The following DTWD2 variants were observed in gnomAD, a reference collection of about 807,000 sequenced individuals.
DTWD2 encodes the protein DTW motif tRNA-uridine aminocarboxypropyltransferase 2, also known as tRNA-uridine aminocarboxypropyltransferase 2.
DTWD2 carries 39 observed loss-of-function variants against 31.8 expected under a neutral mutation model. The ratio of observed to expected loss-of-function variants is 1.22; its 90% confidence interval spans 0.95 to 1.60. The LOEUF is 1.60. Ranked by LOEUF, DTWD2 falls within the 40% of genes most tolerant of loss-of-function variation. The pLI is 0.00. For missense variants in DTWD2, 515 were observed against 381.5 expected (o/e 1.35, Z -2.92); for synonymous variants, 180 against 142.8 (o/e 1.26, Z -1.86).
chr5:118,934,239 G>A (rs1034696041), intron 3 of DTWD2, among the ~76,000 whole-genome samples: 2 of 133,662 alleles, frequency 1.5e-5, no homozygotes, highest in Admixed American at 8.0e-5. Context: ...GTTTAAGACT[G>A]GCCTGGGCAA....
rs184520458 is a variant in DTWD2, at chr5:118,887,870, A to C, written c.598-39652T>G. Reference sequence around the variant, plus strand: ...TGCCCAGGCTTGTCTCAAACTCCTAAGCTCAAGTGACCCTCCTGCCTTGGC... The same window carrying C: ...TGCCCAGGCTTGTCTCAAACTCCTACGCTCAAGTGACCCTCCTGCCTTGGC... On this transcript the variant is annotated intron_variant, in intron 4 of 5. Transcript: ENST00000510708. Among the ~76,000 whole-genome samples the C allele has an allele frequency of 2.7e-3, 417 of 152,270 alleles. 2 individuals carry two copies. Among genetic ancestry groups the C allele is most frequent in the Non-Finnish European group, 3.4e-3 (233 of 68,016 alleles).
At chr5:118,915,224 C>T (rs1580803625) in intron 4 of DTWD2, among the ~76,000 whole-genome samples, 1 of 151,874 alleles carries the variant, frequency 6.6e-6, no homozygotes, top group East Asian at 1.9e-4. Flanking sequence ...TCAAAAAATA[C>T]ATATATTTTT....
intron 1 of DTWD2, among the ~76,000 whole-genome samples, chr5:118,956,555 G>C (rs1754592288): frequency 6.6e-6 from 1 of 152,194 alleles, no homozygotes; most frequent in East Asian, 1.9e-4. Flanking sequence ...AGAGATGCTA[G>C]GACCTACAAA....
intron 5 of DTWD2, among the ~76,000 whole-genome samples, chr5:118,845,617 G>A (rs1295449462): frequency 6.6e-6 from 1 of 151,962 alleles, no homozygotes; most frequent in Non-Finnish European, 1.5e-5. Flanking sequence ...TTCTACTCCT[G>A]GCCACTGCAG....
At chr5:118,961,704 A>G (rs529054285) in intron 1 of DTWD2, among the ~76,000 whole-genome samples, 1 of 152,230 alleles carries the variant, frequency 6.6e-6, no homozygotes, top group South Asian at 2.1e-4. Context: ...TTATTCTCTC[A>G]TCTCCTTTTC....
chr5:118,927,332 T>G (rs906905474), intron 4 of DTWD2, among the ~76,000 whole-genome samples: 3 of 151,868 alleles, frequency 2.0e-5, no homozygotes, highest in Non-Finnish European at 2.9e-5. Flanking sequence ...ATCAGAAGAA[T>G]AATAGAAGAA....
In DTWD2 at chr5:118,873,340, G is replaced by A. The variant is rs559071211; in HGVS notation, c.598-25122C>T. 4.5e-4 allele frequency among the ~76,000 whole-genome samples: 68 copies of A among 152,336 alleles called. 1 individual carries two copies. The highest frequency in any genetic ancestry group is 1.6e-3 in the African/African-American group (65 of 41,584). ...GCTGGTCTGACCTGAGCACCCCTCA[G>A]TTGGCTGGCCTCTCCCAGGGCCCCA... is the stretch of plus-strand genomic sequence containing the variant. On this transcript the variant is annotated intron_variant, in intron 4 of 5. Transcript: ENST00000510708.
chr5:118,974,228 A>AGGCC lies in DTWD2; in HGVS notation c.218+14062_218+14065dup, dbSNP rs1755073583. 3 of 1,065,772 alleles carry AGGCC rather than the reference A, an allele frequency of 2.8e-6. No individual in the cohort carries two copies. The Admixed American group carries it at 6.2e-5, about 22-fold the overall frequency. 66.0% of individuals were successfully genotyped at this position (1,065,772 alleles called of 1,614,324 possible). A position where few individuals can be genotyped will look rare whatever the true frequency, so the allele number is the denominator to read the frequency against. ...TAAACGTGGTCACCTTCGAGTAGAGAGGCCCGCCCGCCCACCGTGGACAGT... is the reference window on the plus strand; with the variant it reads ...TAAACGTGGTCACCTTCGAGTAGAGAGGCCGGCCCGCCCGCCCACCGTGGACAGT... On this transcript the variant is annotated intron_variant, in intron 1 of 5. Transcript: ENST00000510708.
Position 118,838,794 on chromosome 5 carries a change from T to C in DTWD2, c.*2123A>G, listed in dbSNP as rs1193051925. The C allele has an allele frequency of 1.3e-5, 2 of 152,164 alleles. No individual in the cohort carries two copies. The highest frequency in any genetic ancestry group is 1.9e-4 in the East Asian group (1 of 5,208). The allele number at this position is 152,164 out of a possible 1,614,324, so 9.4% of individuals were successfully genotyped here. On this transcript the variant is annotated 3_prime_UTR_variant, in exon 6 of 6. Coordinates refer to ENST00000510708, the MANE Select transcript of DTWD2 (RefSeq NM_173666.4). ...ACTCTAAAATGTTTTATTTAAAAGA[T>C]AAAAGTAGAAATTACTCTTAAAAAT...
At chr5:118,961,180 C>T (rs1754698633) in intron 1 of DTWD2, among the ~76,000 whole-genome samples, 1 of 152,128 alleles carries the variant, frequency 6.6e-6, no homozygotes, top group Admixed American at 6.5e-5. Flanking sequence ...ATATATACAG[C>T]AGCTAGAAAA....
chr5:118,865,274 G>T (rs1024809108), intron 4 of DTWD2, among the ~76,000 whole-genome samples: 2 of 152,066 alleles, frequency 1.3e-5, no homozygotes, highest in Non-Finnish European at 2.9e-5. Context: ...CATGTTAAAT[G>T]ACATTACAAC....
At chr5:118,863,762 TA>T (rs1179262057) in intron 4 of DTWD2, among the ~76,000 whole-genome samples, 2 of 152,202 alleles carry the variant, frequency 1.3e-5, no homozygotes, top group African/African-American at 2.4e-5. Flanking sequence ...ACAAAGTACC[TA>T]ATAGGCCTTT....
intron 4 of DTWD2, among the ~76,000 whole-genome samples, chr5:118,878,210 C>T (rs1561437817): frequency 6.6e-6 from 1 of 152,166 alleles, no homozygotes; most frequent in African/African-American, 2.4e-5. Flanking sequence ...CCAAGGCAAT[C>T]CTAAGCAAAA....
chr5:118,930,090 A>T (rs764562626), intron 3 of DTWD2, among the ~76,000 whole-genome samples: 2 of 152,296 alleles, frequency 1.3e-5, no homozygotes, highest in East Asian at 3.9e-4. Flanking sequence ...CTTATATTTC[A>T]TAAGACTCCC....
intron 4 of DTWD2, among the ~76,000 whole-genome samples, chr5:118,861,839 G>A (rs1460656515): frequency 6.6e-6 from 1 of 152,148 alleles, no homozygotes; most frequent in African/African-American, 2.4e-5. Context: ...AACTGGAGAG[G>A]CTCAATTAGA....
intron 4 of DTWD2, among the ~76,000 whole-genome samples, chr5:118,883,145 A>G (rs371177381): frequency 6.6e-6 from 1 of 152,242 alleles, no homozygotes; most frequent in Non-Finnish European, 1.5e-5. Context: ...TTTCAAGTTA[A>G]AAGTTCCACA....
intron 4 of DTWD2, among the ~76,000 whole-genome samples, chr5:118,866,784 G>A (rs576954394): frequency 6.6e-6 from 1 of 152,072 alleles, no homozygotes; most frequent in South Asian, 2.1e-4. Flanking sequence ...AGGCGTGATG[G>A]CACGTGCCTG....
chr5:118,977,690 A>C (rs1755197240), intron 1 of DTWD2, among the ~76,000 whole-genome samples: 1 of 152,224 alleles, frequency 6.6e-6, no homozygotes. Context: ...ATCAGAGAGG[A>C]CACAAACAAA....
At chr5:118,931,061 A>G (rs916054758) in intron 3 of DTWD2, among the ~76,000 whole-genome samples, 6 of 148,210 alleles carry the variant, frequency 4.0e-5, no homozygotes, top group South Asian at 2.1e-4. Context: ...AGCCCTTTTG[A>G]AAAAAAAAAG....
Sources: allele counts gnomAD v4.1 joint callset (sites outside exome capture counted in the v4.1 genomes callset), GRCh38; gene constraint gnomAD v4.1.1; transcripts MANE v1.5; gene names NCBI Gene and HGNC (gene_info 2026-07-23, HGNC 2026-07-21).